CEP128: variants seen among roughly 807,000 people sequenced by gnomAD.
CEP128 encodes the protein centrosomal protein 128.
A neutral mutation model predicts 156.7 loss-of-function variants in CEP128; 132 were observed. The observed-to-expected ratio is 0.84, with a 90% CI of 0.73 to 0.97. The LOEUF is 0.97. Ranked by LOEUF, CEP128 falls within the 50% of genes least tolerant of loss-of-function variation. The pLI is 0.00. For missense variants in CEP128, 1,252 were observed against 1,281.9 expected, an observed-to-expected ratio of 0.98 and a Z score of 0.36; for synonymous variants, 469 against 448.9, an observed-to-expected ratio of 1.04 and a Z score of -0.57.
intron 19 of CEP128, among the ~76,000 whole-genome samples, chr14:80,627,625 A>T (rs1002756454): frequency 6.6e-6 from 1 of 152,228 alleles, no homozygotes; most frequent in African/African-American, 2.4e-5. Flanking sequence ...ATTGTACATA[A>T]GAGAAATATT....
At chr14:80,742,616 C>G (rs1202621881) in intron 19 of CEP128, 1 of 155,942 alleles carries the variant, frequency 6.4e-6, no homozygotes, top group African/African-American at 2.4e-5. Flanking sequence ...TATAATGTAT[C>G]TATTTGTAAT....
At chr14:80,767,216 G>A (rs7141434) in intron 16 of CEP128, among the ~76,000 whole-genome samples, 53,265 of 151,912 alleles carry the variant, frequency 0.35, 10,132 homozygotes, top group Non-Finnish European at 0.43. Context: ...AGATATCTGC[G>A]ATGGATACTA....
chr14:80,750,867 A>T (rs1899354685), intron 18 of CEP128, among the ~76,000 whole-genome samples: 1 of 152,232 alleles, frequency 6.6e-6, no homozygotes, highest in Non-Finnish European at 1.5e-5. Flanking sequence ...TCTCACCCCA[A>T]GTGTGACTGT....
At chr14:80,703,865 A>G (rs1010118111) in intron 19 of CEP128, among the ~76,000 whole-genome samples, 4 of 152,100 alleles carry the variant, frequency 2.6e-5, no homozygotes, top group African/African-American at 9.6e-5. Context: ...GAACTCCAAC[A>G]GAGTCAAAAC....
intron 20 of CEP128, among the ~76,000 whole-genome samples, chr14:80,577,240 C>T (rs1442386903): frequency 6.6e-6 from 1 of 152,150 alleles, no homozygotes; most frequent in Non-Finnish European, 1.5e-5. Flanking sequence ...TGGGAATTCA[C>T]ATTCGCTATA....
chr14:80,747,382 C>T (rs567021567), intron 18 of CEP128, among the ~76,000 whole-genome samples: 8 of 152,222 alleles, frequency 5.3e-5, no homozygotes, highest in Admixed American at 3.3e-4. Flanking sequence ...TATATCCAAA[C>T]GATGAAACAT....
chr14:80,609,268 A>T (rs1272149908), intron 19 of CEP128, among the ~76,000 whole-genome samples: 1 of 149,916 alleles, frequency 6.7e-6, no homozygotes, highest in Admixed American at 6.7e-5. Flanking sequence ...GGCATGACTC[A>T]TTTTTTTTTT....
At position 80,646,994 on chromosome 14, in the gene CEP128, AATAT is replaced by A. The variant is rs372341494; in HGVS notation, c.2807-66575_2807-66572del. On this transcript the variant is annotated intron_variant, in intron 19 of 24. Coordinates refer to ENST00000555265, the MANE Select transcript of CEP128 (RefSeq NM_152446.5). ...CCAAAAGGTGCTTTTATTTATAAGA[AATAT>A]ATATATATATATATGTGTGTGTATA... 2.1e-4 allele frequency among the ~76,000 whole-genome samples: 16 copies of A among 76,594 alleles called. 3 individuals carry two copies. The highest frequency in any genetic ancestry group is 1.1e-3 in the Admixed American group (7 of 6,406). 50.2% of individuals were successfully genotyped at this position (76,594 alleles called of 152,430 possible). A position where few individuals can be genotyped will look rare whatever the true frequency, so the allele number is the denominator to read the frequency against.
At chr14:80,677,996 C>A (rs984398406) in intron 19 of CEP128, among the ~76,000 whole-genome samples, 2 of 147,578 alleles carry the variant, frequency 1.4e-5, no homozygotes, top group Admixed American at 1.4e-4. Flanking sequence ...GGTTATTTAT[C>A]AATTCCTATC....
Position 80,497,587 on chromosome 14 carries a change from CAAGGTAAGAAGAAAAAGAAA to C in CEP128, c.3182-25_3182-6del. On this transcript the variant is annotated splice_region_variant and splice_polypyrimidine_tract_variant and intron_variant, in intron 24 of 24. Transcript: ENST00000555265. Reference sequence around the variant, plus strand: ...CAACAGTTCTTTTGGTAAATGCTGGCAAGGTAAGAAGAAAAAGAAAAATAAACCTAGGTGAATATAAAACT... The same window carrying C: ...CAACAGTTCTTTTGGTAAATGCTGGCAATAAACCTAGGTGAATATAAAACT... 6.3e-7 allele frequency: 1 copy of C among 1,599,024 alleles called. No individual in the cohort carries two copies. The highest frequency in any genetic ancestry group is 8.6e-7 in the Non-Finnish European group (1 of 1,168,414).
At position 80,708,350 on chromosome 14, in the gene CEP128, TC is replaced by T. The variant is rs1368744380; in HGVS notation, c.2806+34724del. Among the ~76,000 whole-genome samples, 4 of 152,320 alleles carry T rather than the reference TC, an allele frequency of 2.6e-5. No homozygotes were observed. In the East Asian group the frequency reaches 7.7e-4, roughly 29 times the overall value. On this transcript the variant is annotated intron_variant, in intron 19 of 24. Coordinates refer to ENST00000555265, the MANE Select transcript of CEP128 (RefSeq NM_152446.5). Reference sequence around the variant, plus strand: ...CAAGCAATGTTTGAAAGGGTCTATTTCCTCACAGTCCCCAGCCTCACAGACA... The same window carrying T: ...CAAGCAATGTTTGAAAGGGTCTATTTCTCACAGTCCCCAGCCTCACAGACA...
chr14:80,937,975 C>A (rs187062867), intron 2 of CEP128, among the ~76,000 whole-genome samples: 144 of 151,928 alleles, frequency 9.5e-4, no homozygotes, highest in African/African-American at 3.3e-3. Flanking sequence ...CAGCTCACTG[C>A]AGCCTCGACC....
At chr14:80,811,442 T>C (rs1884527658) in intron 13 of CEP128, among the ~76,000 whole-genome samples, 1 of 149,554 alleles carries the variant, frequency 6.7e-6, no homozygotes, top group Admixed American at 6.6e-5. Context: ...CTCTTAGTTT[T>C]TGATTTTTGT....
intron 14 of CEP128, among the ~76,000 whole-genome samples, chr14:80,481,672 G>A (rs150274237): frequency 2.1e-4 from 32 of 152,334 alleles, no homozygotes; most frequent in African/African-American, 7.5e-4. Flanking sequence ...GGCATGAGAG[G>A]TGAATGGCAG....
intron 19 of CEP128, among the ~76,000 whole-genome samples, chr14:80,662,445 T>C (rs969968050): frequency 4.6e-5 from 7 of 152,182 alleles, no homozygotes; most frequent in Non-Finnish European, 7.4e-5. Context: ...TGAAGAATTA[T>C]TACTCACTGT....
At chr14:80,509,825 T>G (rs1490828472) in intron 23 of CEP128, among the ~76,000 whole-genome samples, 1 of 152,204 alleles carries the variant, frequency 6.6e-6, no homozygotes, top group Non-Finnish European at 1.5e-5. Context: ...TACATTCTAG[T>G]TTCATTTTTC....
chr14:80,583,669 C>T (rs1287838023), intron 19 of CEP128, among the ~76,000 whole-genome samples: 2 of 152,194 alleles, frequency 1.3e-5, no homozygotes, highest in Non-Finnish European at 2.9e-5. Context: ...GAAATGAGAG[C>T]CAAGAAAGAG....
chr14:80,554,206 T>C (rs1169623506), intron 21 of CEP128, among the ~76,000 whole-genome samples: 1 of 152,226 alleles, frequency 6.6e-6, no homozygotes, highest in Non-Finnish European at 1.5e-5. Context: ...TTAACTTAAC[T>C]GAACTGCTGG....
intron 19 of CEP128, among the ~76,000 whole-genome samples, chr14:80,622,894 A>G (rs1893546733): frequency 6.6e-6 from 1 of 150,568 alleles, no homozygotes. Flanking sequence ...TGTGGAAGTC[A>G]GTGTGGCGAT....
Sources: allele counts gnomAD v4.1 joint callset (sites outside exome capture counted in the v4.1 genomes callset), GRCh38; gene constraint gnomAD v4.1.1; transcripts MANE v1.5; gene names NCBI Gene and HGNC (gene_info 2026-07-23, HGNC 2026-07-21).